The following TECRL variants were observed in gnomAD, a reference collection of about 807,000 sequenced individuals.
TECRL encodes trans-2,3-enoyl-CoA reductase like.
Under a neutral mutation model 52.8 loss-of-function variants are expected in TECRL, and 63 were observed. The observed-to-expected ratio is 1.19, with a 90% CI of 0.97 to 1.47. The LOEUF is 1.47. TECRL is among the 40% of genes most tolerant of loss of function. The probability of loss-of-function intolerance (pLI) is 0.00; values close to 1 mark genes in which losing one functional copy is unlikely to be tolerated. For missense variants in TECRL, 482 were observed against 429.6 expected (o/e 1.12, Z -1.08); for synonymous variants, 164 against 141.9 (o/e 1.16, Z -1.10).
chr4:64,343,085 T>TA (rs5858879), intron 2 of TECRL, among the ~76,000 whole-genome samples: 33,589 of 151,918 alleles, frequency 0.22, 3,950 homozygotes, highest in East Asian at 0.3. Flanking sequence ...TCGCCTTCTT[T>TA]AAAAAAGGGG....
chr4:64,306,059 T>C (rs546869085), intron 6 of TECRL, among the ~76,000 whole-genome samples: 20 of 152,290 alleles, frequency 1.3e-4, no homozygotes, highest in African/African-American at 4.8e-4. Context: ...TTTGGGGGAT[T>C]GCTCAGGATC....
At chr4:64,355,002 G>A (rs1720665100) in intron 2 of TECRL, among the ~76,000 whole-genome samples, 8 of 152,118 alleles carry the variant, frequency 5.3e-5, no homozygotes, top group Non-Finnish European at 1.5e-5. Flanking sequence ...GAGTGGAAGT[G>A]AATATTTCAG....
intron 4 of TECRL, among the ~76,000 whole-genome samples, chr4:64,316,932 G>C (rs537051807): frequency 2.0e-5 from 3 of 152,280 alleles, no homozygotes; most frequent in Admixed American, 6.5e-5. Flanking sequence ...AGGAAATTGA[G>C]AGTCTTTGAA....
intron 8 of TECRL, among the ~76,000 whole-genome samples, chr4:64,296,076 A>G (rs1277383385): frequency 6.6e-6 from 1 of 151,970 alleles, no homozygotes; most frequent in Non-Finnish European, 1.5e-5. Flanking sequence ...GTACCTATCA[A>G]TGGTAGGTAA....
intron 6 of TECRL, among the ~76,000 whole-genome samples, chr4:64,307,877 T>C (rs75724885): frequency 0.027 from 4,061 of 152,236 alleles, 177 homozygotes; most frequent in African/African-American, 0.093. Context: ...CCTTATCCAG[T>C]TGGAAAGACA....
intron 2 of TECRL, among the ~76,000 whole-genome samples, chr4:64,365,678 T>G (rs185040446): frequency 5.5e-4 from 83 of 151,506 alleles, no homozygotes; most frequent in Non-Finnish European, 3.5e-4. Flanking sequence ...ATCAGAGAGG[T>G]AGATGATGTC....
Position 64,300,030 on chromosome 4 carries a change from A to T in TECRL, c.731-13T>A. ...CTGTTTCCAAATGCTGGAGAGTAGAAAAAGAATATGTCATGCAGATACTCA... is the reference window on the plus strand; with the variant it reads ...CTGTTTCCAAATGCTGGAGAGTAGATAAAGAATATGTCATGCAGATACTCA... On this transcript the variant is annotated splice_polypyrimidine_tract_variant and intron_variant, in intron 7 of 11. Transcript: ENST00000381210. 1 of 1,567,186 alleles carries T rather than the reference A, an allele frequency of 6.4e-7. No homozygotes were observed.
chr4:64,373,421 T>G lies in TECRL; in HGVS notation c.286+1751A>C, dbSNP rs188254064. ...TTTTGCAACAGGACATTTCTAGGAT[T>G]TTTTGTAAGCTGCTTACTTAACTTC... On this transcript the variant is annotated intron_variant, in intron 2 of 11. Coordinates refer to ENST00000381210, the MANE Select transcript of TECRL (RefSeq NM_001010874.5). Among the ~76,000 whole-genome samples, 141 of 151,970 alleles carry G rather than the reference T, an allele frequency of 9.3e-4. 1 individual carries two copies. Among genetic ancestry groups the G allele is most frequent in the Non-Finnish European group, 2.0e-3 (134 of 67,784 alleles).
intron 7 of TECRL, among the ~76,000 whole-genome samples, chr4:64,301,651 A>T (rs562628242): frequency 3.3e-5 from 5 of 151,394 alleles, no homozygotes; most frequent in African/African-American, 1.2e-4. Context: ...TGAAAAGGAT[A>T]TCTTGTAATC....
intron 9 of TECRL, among the ~76,000 whole-genome samples, chr4:64,285,434 CAT>C (rs1005477250): frequency 3.9e-5 from 6 of 152,192 alleles, no homozygotes; most frequent in African/African-American, 1.4e-4. Flanking sequence ...CACCTGAGAA[CAT>C]GACTCATGAC....
intron 8 of TECRL, among the ~76,000 whole-genome samples, chr4:64,290,005 G>A (rs1042528513): frequency 5.3e-5 from 8 of 152,164 alleles, no homozygotes; most frequent in South Asian, 2.1e-4. Flanking sequence ...TATTTTTCAC[G>A]CTGTTTGATA....
intron 2 of TECRL, among the ~76,000 whole-genome samples, chr4:64,336,397 C>CAA (rs1219458221): frequency 5.9e-5 from 9 of 151,866 alleles, no homozygotes; most frequent in Non-Finnish European, 1.0e-4. Flanking sequence ...TTTGAATCTT[C>CAA]TCTCTTCTTT....
At chr4:64,318,736 A>G (rs1717682766) in intron 4 of TECRL, among the ~76,000 whole-genome samples, 1 of 152,028 alleles carries the variant, frequency 6.6e-6, no homozygotes, top group Admixed American at 6.6e-5. Context: ...TTCTTTAACA[A>G]TAAAAGTTAA....
intron 6 of TECRL, among the ~76,000 whole-genome samples, chr4:64,306,865 A>C (rs1373797907): frequency 6.6e-6 from 1 of 152,060 alleles, no homozygotes; most frequent in Non-Finnish European, 1.5e-5. Flanking sequence ...CAAGCCCCAA[A>C]CTCCTCTCTT....
intron 7 of TECRL, among the ~76,000 whole-genome samples, chr4:64,303,805 T>C (rs1211750763): frequency 6.6e-6 from 1 of 151,856 alleles, no homozygotes; most frequent in Non-Finnish European, 1.5e-5. Context: ...CTGTATCTCA[T>C]GTATATTACA....
intron 4 of TECRL, among the ~76,000 whole-genome samples, chr4:64,316,040 T>A (rs540042614): frequency 2.0e-5 from 3 of 152,172 alleles, no homozygotes; most frequent in Non-Finnish European, 2.9e-5. Flanking sequence ...GAATGTGTAA[T>A]GATAGAATGC....
At chr4:64,393,558 A>C (rs1723703013) in intron 1 of TECRL, among the ~76,000 whole-genome samples, 1 of 152,054 alleles carries the variant, frequency 6.6e-6, no homozygotes. Flanking sequence ...AGGACATTAA[A>C]ATTGAAAACA....
intron 1 of TECRL, among the ~76,000 whole-genome samples, chr4:64,382,639 G>T (rs1041609465): frequency 6.6e-6 from 1 of 151,818 alleles, no homozygotes; most frequent in Non-Finnish European, 1.5e-5. Context: ...ACATAGTTGG[G>T]TCAAGTTTGT....
chr4:64,347,539 T>C (rs1265777100), intron 2 of TECRL, among the ~76,000 whole-genome samples: 1 of 152,162 alleles, frequency 6.6e-6, no homozygotes, highest in Non-Finnish European at 1.5e-5. Context: ...CAGTTCTGCA[T>C]GGCTGGGGAG....
Sources: gnomAD v4.1 joint callset for allele counts (sites outside exome capture counted in the v4.1 genomes callset) on GRCh38, gnomAD v4.1.1 for gene constraint, MANE v1.5 for transcripts, NCBI Gene and HGNC (gene_info 2026-07-23, HGNC 2026-07-21) for gene names.